The following ADGRL3 variants were observed in gnomAD, a reference collection of about 807,000 sequenced individuals.
ADGRL3 encodes the protein adhesion G protein-coupled receptor L3, also known as calcium-independent alpha-latrotoxin receptor 3.
ADGRL3 carries 62 observed loss-of-function variants against 153.5 expected under a neutral mutation model. The observed-to-expected ratio is 0.40, with a 90% CI of 0.33 to 0.50. The LOEUF (loss-of-function observed/expected upper bound fraction) is 0.50. ADGRL3 is among the 20% of genes least tolerant of loss of function. The pLI is 0.47. For missense variants in ADGRL3, 1,641 were observed against 1,859.4 expected (o/e 0.88, Z 2.16); for synonymous variants, 710 against 672.5 (o/e 1.06, Z -0.86).
chr4:61,348,738 CT>C (rs1235098997), intron 1 of ADGRL3, among the ~76,000 whole-genome samples: 2 of 151,972 alleles, frequency 1.3e-5, no homozygotes, highest in Non-Finnish European at 2.9e-5. Context: ...GACTATACCA[CT>C]TTATTAGACA....
At chr4:61,527,714 G>T (rs952237060) in intron 4 of ADGRL3, among the ~76,000 whole-genome samples, 1 of 152,042 alleles carries the variant, frequency 6.6e-6, no homozygotes, top group Non-Finnish European at 1.5e-5. Flanking sequence ...CTTGCTTTTG[G>T]TTTTTGTTTT....
At chr4:61,371,838 T>C (rs556317649) in intron 1 of ADGRL3, among the ~76,000 whole-genome samples, 36 of 152,284 alleles carry the variant, frequency 2.4e-4, no homozygotes, top group African/African-American at 8.2e-4. Flanking sequence ...TCCAACTTGG[T>C]TCCATTCTCC....
At chr4:61,866,123 C>A (rs564082129) in intron 9 of ADGRL3, among the ~76,000 whole-genome samples, 15 of 152,288 alleles carry the variant, frequency 9.8e-5, no homozygotes, top group African/African-American at 3.4e-4. Flanking sequence ...AGCACCATCC[C>A]CTGCCCCTGA....
At chr4:61,871,433 CG>C (rs1285604764) in intron 9 of ADGRL3, among the ~76,000 whole-genome samples, 4 of 151,950 alleles carry the variant, frequency 2.6e-5, no homozygotes, top group Non-Finnish European at 5.9e-5. Flanking sequence ...TCTCATTGTG[CG>C]ATCAAAAGGA....
At chr4:61,791,837 C>A (rs2097345691) in intron 8 of ADGRL3, among the ~76,000 whole-genome samples, 1 of 152,238 alleles carries the variant, frequency 6.6e-6, no homozygotes, top group Admixed American at 6.5e-5. Flanking sequence ...GGCTTGCACC[C>A]TCTGAAGCCA....
intron 4 of ADGRL3, among the ~76,000 whole-genome samples, chr4:61,542,572 A>G (rs539667307): frequency 5.9e-5 from 9 of 152,302 alleles, no homozygotes; most frequent in Admixed American, 2.0e-4. Flanking sequence ...TCGCGATTGT[A>G]CTATGTAAGT....
At chr4:61,509,992 T>C (rs2098454672) in intron 3 of ADGRL3, among the ~76,000 whole-genome samples, 1 of 152,212 alleles carries the variant, frequency 6.6e-6, no homozygotes, top group African/African-American at 2.4e-5. Context: ...TCATTGAGGT[T>C]TTGATTTGCA....
intron 9 of ADGRL3, among the ~76,000 whole-genome samples, chr4:61,867,470 A>G (rs1403948070): frequency 1.4e-5 from 2 of 142,656 alleles, no homozygotes; most frequent in African/African-American, 5.1e-5. Context: ...GCTGCACTCC[A>G]GCCTGGGCGA....
chr4:61,477,686 G>A (rs971096211), intron 2 of ADGRL3, among the ~76,000 whole-genome samples: 1 of 152,076 alleles, frequency 6.6e-6, no homozygotes, highest in Non-Finnish European at 1.5e-5. Context: ...AGGGATTTAA[G>A]AGGCTGTCCA....
At chr4:61,605,794 C>T (rs2149593177) in intron 5 of ADGRL3, among the ~76,000 whole-genome samples, 1 of 152,220 alleles carries the variant, frequency 6.6e-6, no homozygotes, top group South Asian at 2.1e-4. Flanking sequence ...GAAATGAGTA[C>T]TGAGAATTGA....
intron 5 of ADGRL3, among the ~76,000 whole-genome samples, chr4:61,613,038 A>G (rs1035328298): frequency 2.0e-5 from 3 of 152,192 alleles, no homozygotes; most frequent in African/African-American, 7.2e-5. Context: ...TGTGATTTGA[A>G]GTAATTTAAC....
At chr4:61,231,598 C>T (rs577455733) in intron 1 of ADGRL3, among the ~76,000 whole-genome samples, 40 of 152,214 alleles carry the variant, frequency 2.6e-4, no homozygotes, top group Middle Eastern at 3.4e-3. Flanking sequence ...TTGCCTCCCC[C>T]GGATCTAGGT....
intron 1 of ADGRL3, among the ~76,000 whole-genome samples, chr4:61,281,059 T>C (rs1216869094): frequency 1.3e-5 from 2 of 152,076 alleles, no homozygotes; most frequent in African/African-American, 2.4e-5. Flanking sequence ...TATATATTAG[T>C]TAATACTTCC....
chr4:61,332,714 G>A (rs1486053730), intron 1 of ADGRL3, among the ~76,000 whole-genome samples: 2 of 152,098 alleles, frequency 1.3e-5, no homozygotes, highest in Admixed American at 6.6e-5. Flanking sequence ...ATGTTTGCTG[G>A]TCAATGCCGG....
intron 9 of ADGRL3, among the ~76,000 whole-genome samples, chr4:61,836,511 A>C (rs546409204): frequency 2.0e-5 from 3 of 151,992 alleles, no homozygotes; most frequent in Non-Finnish European, 4.4e-5. Context: ...TTTCAATTTT[A>C]CCCATGAAAG....
chr4:61,210,888 G>A lies in ADGRL3; in HGVS notation c.-240+9123G>A, dbSNP rs1179841832. ...TAAATGTTCGGTTGATGTTGTCTAAGGAGTTTTAATTATATTATTAACTGT... is the reference window on the plus strand; with the variant it reads ...TAAATGTTCGGTTGATGTTGTCTAAAGAGTTTTAATTATATTATTAACTGT... On this transcript the variant is annotated intron_variant, in intron 1 of 26. Coordinates refer to ENST00000683033, the MANE Select transcript of ADGRL3 (RefSeq NM_001387552.1). Among the ~76,000 whole-genome samples the A allele has an allele frequency of 2.0e-5, 3 of 152,178 alleles. No individual in the cohort carries two copies. The South Asian group carries it at 6.2e-4, about 32-fold the overall frequency.
intron 2 of ADGRL3, among the ~76,000 whole-genome samples, chr4:61,402,662 T>C (rs2096943882): frequency 6.6e-6 from 1 of 152,086 alleles, no homozygotes; most frequent in African/African-American, 2.4e-5. Flanking sequence ...ACTGGGTATG[T>C]CAGGTTCTTT....
Position 61,387,449 on chromosome 4 carries a change from T to G in ADGRL3, c.-174+4260T>G, listed in dbSNP as rs551155296. Among the ~76,000 whole-genome samples, 3 of 152,216 alleles carry G rather than the reference T, an allele frequency of 2.0e-5. No individual in the cohort carries two copies. In the South Asian group the frequency reaches 6.2e-4, roughly 32 times the overall value. On this transcript the variant is annotated intron_variant, in intron 2 of 26. Transcript: ENST00000683033. ...CTTCATAATAAACCTGGGATCACTA[T>G]GGGAGACTGGAGTTTATTTCATCTC...
At chr4:61,420,407 T>A (rs1334324854) in intron 2 of ADGRL3, 1 of 136,056 alleles carries the variant, frequency 7.3e-6, no homozygotes, top group Admixed American at 7.3e-5. Flanking sequence ...AAAGCTTTTT[T>A]TTTTTTTTTT....
Sources: gnomAD v4.1 joint callset for allele counts (sites outside exome capture counted in the v4.1 genomes callset) on GRCh38, gnomAD v4.1.1 for gene constraint, MANE v1.5 for transcripts, NCBI Gene and HGNC (gene_info 2026-07-23, HGNC 2026-07-21) for gene names.